The following UBE2E2 variants were observed in gnomAD, a reference collection of about 807,000 sequenced individuals.
UBE2E2 encodes the protein ubiquitin conjugating enzyme E2 E2.
A neutral mutation model predicts 24.7 loss-of-function variants in UBE2E2; 6 were observed. The ratio of observed to expected loss-of-function variants is 0.24; its 90% CI spans 0.13 to 0.48. The LOEUF (loss-of-function observed/expected upper bound fraction) is 0.48, where lower values mean the gene tolerates loss of function less well. UBE2E2 is among the 20% of genes least tolerant of loss of function. UBE2E2 has a pLI of 0.99. For synonymous variants in UBE2E2, 104 were observed against 83.6 expected, an observed-to-expected ratio of 1.24 and a Z score of -1.33; for missense variants, 169 against 245.0, an observed-to-expected ratio of 0.69 and a Z score of 2.07.
intron 3 of UBE2E2, among the ~76,000 whole-genome samples, chr3:23,375,566 G>A (rs1268317434): frequency 6.6e-6 from 1 of 152,186 alleles, no homozygotes; most frequent in East Asian, 1.9e-4. Context: ...TAAATGTTTA[G>A]TAGAGGTTTT....
intron 3 of UBE2E2, among the ~76,000 whole-genome samples, chr3:23,373,625 A>T (rs1559365196): frequency 1.3e-5 from 2 of 152,190 alleles, no homozygotes; most frequent in African/African-American, 2.4e-5. Flanking sequence ...TTCTCCAGAG[A>T]TGCCTTGCTT....
chr3:23,526,163 G>A (rs1409547927), intron 4 of UBE2E2, among the ~76,000 whole-genome samples: 1 of 152,164 alleles, frequency 6.6e-6, no homozygotes, highest in Non-Finnish European at 1.5e-5. Context: ...ATAGGAAGTA[G>A]CAGCAATACA....
intron 4 of UBE2E2, among the ~76,000 whole-genome samples, chr3:23,528,945 G>A (rs78496662): frequency 0.028 from 4,257 of 152,200 alleles, 212 homozygotes; most frequent in African/African-American, 0.096. Context: ...CATCTATGCC[G>A]TGGAATACTA....
chr3:23,416,044 T>G (rs1417419004), intron 3 of UBE2E2, among the ~76,000 whole-genome samples: 1 of 152,216 alleles, frequency 6.6e-6, no homozygotes, highest in African/African-American at 2.4e-5. Context: ...GGTTTCCGGC[T>G]TCATCCATGT....
chr3:23,564,065 C>G (rs1575709868), intron 5 of UBE2E2, among the ~76,000 whole-genome samples: 1 of 151,734 alleles, frequency 6.6e-6, no homozygotes, highest in East Asian at 1.9e-4. Flanking sequence ...TAAGAACAAC[C>G]ATGTGTTTGT....
At chr3:23,291,848 A>ATT (rs1295343138) in intron 3 of UBE2E2, among the ~76,000 whole-genome samples, 1 of 71,300 alleles carries the variant, frequency 1.4e-5, no homozygotes, top group African/African-American at 5.5e-5. Context: ...ATGCCCGGCT[A>ATT]ATTTTTTTTT....
chr3:23,567,303 G>A (rs1696098831), intron 5 of UBE2E2, among the ~76,000 whole-genome samples: 1 of 152,180 alleles, frequency 6.6e-6, no homozygotes, highest in South Asian at 2.1e-4. Context: ...GCAGGGGTAG[G>A]GGAGAAGCAC....
At chr3:23,332,474 A>G (rs1695082655) in intron 3 of UBE2E2, among the ~76,000 whole-genome samples, 1 of 152,218 alleles carries the variant, frequency 6.6e-6, no homozygotes, top group South Asian at 2.1e-4. Flanking sequence ...CAATTATTAA[A>G]ATAAAGATAA....
intron 3 of UBE2E2, among the ~76,000 whole-genome samples, chr3:23,259,909 T>C (rs1697851968): frequency 6.6e-6 from 1 of 152,236 alleles, no homozygotes; most frequent in Non-Finnish European, 1.5e-5. Context: ...ATTAGATCAG[T>C]AGACTGCAAA....
intron 3 of UBE2E2, among the ~76,000 whole-genome samples, chr3:23,395,270 A>G (rs1375599550): frequency 6.6e-6 from 1 of 152,196 alleles, no homozygotes. Context: ...TAGTAAAGTC[A>G]TTTCCGGATA....
chr3:23,442,808 C>T (rs1296620641), intron 3 of UBE2E2, among the ~76,000 whole-genome samples: 1 of 152,174 alleles, frequency 6.6e-6, no homozygotes, highest in Non-Finnish European at 1.5e-5. Context: ...GATTCTTCTG[C>T]TTTCCTGTAG....
chr3:23,346,619 T>C (rs1283545278), intron 3 of UBE2E2, among the ~76,000 whole-genome samples: 4 of 152,212 alleles, frequency 2.6e-5, no homozygotes, highest in African/African-American at 9.6e-5. Flanking sequence ...ATGTTCTCTT[T>C]TAAATGCTAT....
intron 4 of UBE2E2, among the ~76,000 whole-genome samples, chr3:23,503,151 G>GTT (rs57410713): frequency 6.9e-6 from 1 of 145,672 alleles, no homozygotes; most frequent in African/African-American, 2.5e-5. Flanking sequence ...GTTTTTTGGG[G>GTT]TTTTTTTTTT....
chr3:23,354,622 GA>G (rs1285083600), intron 3 of UBE2E2, among the ~76,000 whole-genome samples: 2 of 152,112 alleles, frequency 1.3e-5, no homozygotes, highest in Non-Finnish European at 2.9e-5. Context: ...AAAAACACGT[GA>G]AAAAATGCTC....
chr3:23,337,879 T>C (rs551448528), intron 3 of UBE2E2, among the ~76,000 whole-genome samples: 3 of 151,920 alleles, frequency 2.0e-5, no homozygotes, highest in African/African-American at 7.2e-5. Flanking sequence ...GAAAGTAGAG[T>C]GATTAGTTTG....
intron 3 of UBE2E2, among the ~76,000 whole-genome samples, chr3:23,343,287 A>T (rs1339622222): frequency 6.6e-6 from 1 of 152,108 alleles, no homozygotes; most frequent in Non-Finnish European, 1.5e-5. Context: ...CAATTTAAAA[A>T]CTTTCTGGCC....
intron 4 of UBE2E2, among the ~76,000 whole-genome samples, chr3:23,510,861 A>T (rs1559407243): frequency 6.6e-6 from 1 of 152,206 alleles, no homozygotes; most frequent in Non-Finnish European, 1.5e-5. Context: ...AAAGATGAGT[A>T]AGATACAGCC....
chr3:23,526,133 A>C (rs1694991824), intron 4 of UBE2E2, among the ~76,000 whole-genome samples: 1 of 152,178 alleles, frequency 6.6e-6, no homozygotes, highest in South Asian at 2.1e-4. Flanking sequence ...CTCATTTCTT[A>C]GGTTCTCTTT....
intron 3 of UBE2E2, 134 bp from the exon 4 acceptor site, chr3:23,499,474 C>A: frequency 1.8e-6 from 2 of 1,105,386 alleles, no homozygotes; most frequent in Non-Finnish European, 2.5e-6. Context: ...CAATATGAAT[C>A]TTAACATGAG....
Sources: gnomAD v4.1 joint callset for allele counts (sites outside exome capture counted in the v4.1 genomes callset) on GRCh38, gnomAD v4.1.1 for gene constraint, MANE v1.5 for transcripts, NCBI Gene and HGNC (gene_info 2026-07-23, HGNC 2026-07-21) for gene names.